Variants in CMSS1 observed in about 807,000 individuals in gnomAD.
CMSS1 encodes cms1 ribosomal small subunit homolog.
In CMSS1, 33 loss-of-function variants were observed where a neutral mutation model predicts 43.5. The ratio of observed to expected loss-of-function variants is 0.76; its 90% CI spans 0.57 to 1.01. The LOEUF (loss-of-function observed/expected upper bound fraction) is 1.01. Among genes scored for constraint, CMSS1 ranks in the 50% least tolerant of loss-of-function variants. The pLI, the probability that CMSS1 is intolerant of heterozygous loss-of-function variation, is 0.00. For synonymous variants in CMSS1, 115 were observed against 117.2 expected, an observed-to-expected ratio of 0.98 and a Z score of 0.12; for missense variants, 313 against 326.4, an observed-to-expected ratio of 0.96 and a Z score of 0.32.
At chr3:100,051,806 A>G (rs62285463) in intron 1 of CMSS1, among the ~76,000 whole-genome samples, 4,256 of 150,860 alleles carry the variant, frequency 0.028, 77 homozygotes, top group Non-Finnish European at 0.045. Context: ...AATAGTGCCA[A>G]TGGCTTATAT....
At chr3:100,021,964 AGAGAGAGAG>A (rs2064832783) in intron 1 of CMSS1, among the ~76,000 whole-genome samples, 1 of 98,616 alleles carries the variant, frequency 1.0e-5, no homozygotes, top group African/African-American at 3.8e-5. Context: ...TGTGTGTGAG[AGAGAGAGAG>A]AGAGAGAGAG....
chr3:99,889,097 A>G (rs1706002827), intron 1 of CMSS1, among the ~76,000 whole-genome samples: 1 of 152,162 alleles, frequency 6.6e-6, no homozygotes, highest in Admixed American at 6.5e-5. Flanking sequence ...CATGAAACTT[A>G]ACAGTTTTCT....
rs561368811 is a variant in CMSS1 at position 99,847,869 on chromosome 3, C to G, written c.64+29826C>G. 56 of 867,820 alleles carry G rather than the reference C, an allele frequency of 6.5e-5. No homozygotes were observed. In the African/African-American group the frequency reaches 9.3e-4, roughly 14 times the overall value. 53.8% of individuals were successfully genotyped at this position (867,820 alleles called of 1,614,324 possible). ...GAGACTATAAGCAAAAGACAAAATT[C>G]TATTGTACATGCAGAAATATAACAC... On this transcript the variant is annotated intron_variant, in intron 1 of 9. Coordinates refer to ENST00000421999, the MANE Select transcript of CMSS1 (RefSeq NM_032359.4).
At chr3:99,850,994 G>T in intron 1 of CMSS1, 1 of 1,613,796 alleles carries the variant, frequency 6.2e-7, no homozygotes, top group East Asian at 2.2e-5. Context: ...TCCTCTTTCA[G>T]GGTGGTGACC....
intron 1 of CMSS1, among the ~76,000 whole-genome samples, chr3:99,923,163 A>G (rs1707177691): frequency 6.6e-6 from 1 of 151,598 alleles, no homozygotes; most frequent in South Asian, 2.1e-4. Flanking sequence ...GATGTATTCT[A>G]GGGTTCCCTT....
At chr3:99,837,392 G>A (rs1375643422) in intron 1 of CMSS1, among the ~76,000 whole-genome samples, 3 of 151,606 alleles carry the variant, frequency 2.0e-5, no homozygotes, top group Non-Finnish European at 4.4e-5. Context: ...CCATGAAAAG[G>A]CATAAGAATA....
intron 1 of CMSS1, among the ~76,000 whole-genome samples, chr3:100,119,128 C>A (rs1341766754): frequency 6.6e-6 from 1 of 152,020 alleles, no homozygotes; most frequent in Non-Finnish European, 1.5e-5. Flanking sequence ...TCAGGGAAGC[C>A]TAATACTGTG....
chr3:99,907,393 G>A (rs374636684), intron 1 of CMSS1, among the ~76,000 whole-genome samples: 11 of 152,006 alleles, frequency 7.2e-5, no homozygotes, highest in South Asian at 2.1e-4. Context: ...GACTACAGGC[G>A]CCCACCACCA....
chr3:99,961,909 AG>A (rs11290599), intron 1 of CMSS1, among the ~76,000 whole-genome samples: 111,648 of 151,970 alleles, frequency 0.73, 41,716 homozygotes, highest in African/African-American at 0.88. Context: ...GGAAGCACTG[AG>A]GGACCAAGTA....
intron 1 of CMSS1, among the ~76,000 whole-genome samples, chr3:100,106,629 A>G (rs570822453): frequency 6.6e-6 from 1 of 152,262 alleles, no homozygotes; most frequent in African/African-American, 2.4e-5. Context: ...TTCCCTGGTA[A>G]GGGCTGTAGG....
chr3:100,160,386 T>C (rs979361460), intron 2 of CMSS1, 44 bp from the exon 3 acceptor site: 6 of 1,017,814 alleles, frequency 5.9e-6, no homozygotes, highest in Non-Finnish European at 7.6e-6. Context: ...ATTGACACTT[T>C]ATCATGAAAA....
At chr3:99,859,783 A>G (rs1046890188) in intron 1 of CMSS1, among the ~76,000 whole-genome samples, 2 of 150,436 alleles carry the variant, frequency 1.3e-5, no homozygotes, top group African/African-American at 4.9e-5. Flanking sequence ...TTTTGGTATC[A>G]GGCCTATAAT....
At chr3:99,965,023 G>A (rs888638568) in intron 1 of CMSS1, among the ~76,000 whole-genome samples, 4 of 152,124 alleles carry the variant, frequency 2.6e-5, no homozygotes, top group Non-Finnish European at 4.4e-5. Context: ...AGATACTGCT[G>A]TATCTGTAAA....
At chr3:100,022,314 A>C (rs1471741334) in intron 1 of CMSS1, among the ~76,000 whole-genome samples, 4 of 152,180 alleles carry the variant, frequency 2.6e-5, no homozygotes, top group African/African-American at 9.7e-5. Context: ...AAGTTGAGCC[A>C]GTGCCATGTC....
chr3:100,054,326 T>A (rs898573908), intron 1 of CMSS1, among the ~76,000 whole-genome samples: 2 of 152,140 alleles, frequency 1.3e-5, no homozygotes, highest in African/African-American at 4.8e-5. Flanking sequence ...ACAAAGAAAT[T>A]GAGATATCTG....
chr3:99,874,000 C>T (rs779256415), intron 1 of CMSS1, among the ~76,000 whole-genome samples: 2 of 152,208 alleles, frequency 1.3e-5, no homozygotes, highest in Non-Finnish European at 2.9e-5. Flanking sequence ...AGAAATTGCT[C>T]ATCCAAAGAG....
At chr3:100,165,352 A>T (rs2067057582) in intron 4 of CMSS1, among the ~76,000 whole-genome samples, 1 of 152,076 alleles carries the variant, frequency 6.6e-6, no homozygotes, top group Non-Finnish European at 1.5e-5. Flanking sequence ...TTGTATTGTT[A>T]TGTTGTGTTG....
chr3:100,144,680 G>T (rs188451525), intron 1 of CMSS1, among the ~76,000 whole-genome samples: 17 of 152,284 alleles, frequency 1.1e-4, no homozygotes, highest in Non-Finnish European at 2.1e-4. Flanking sequence ...ACAGTCAAGT[G>T]GTTATTGTCT....
intron 1 of CMSS1, among the ~76,000 whole-genome samples, chr3:100,097,299 G>T (rs1377590820): frequency 6.6e-6 from 1 of 152,194 alleles, no homozygotes; most frequent in Admixed American, 6.5e-5. Flanking sequence ...GTGCCTAAAA[G>T]GTTGGGAACC....
Sources: gnomAD v4.1 joint callset for allele counts (sites outside exome capture counted in the v4.1 genomes callset) on GRCh38, gnomAD v4.1.1 for gene constraint, MANE v1.5 for transcripts, NCBI Gene and HGNC (gene_info 2026-07-23, HGNC 2026-07-21) for gene names.